RARB: variants seen among roughly 807,000 people sequenced by gnomAD.
RARB encodes the protein HBV-activated protein.
A neutral mutation model predicts 51.9 loss-of-function variants in RARB; 17 were observed. The ratio of observed to expected loss-of-function variants is 0.33; its 90% CI spans 0.22 to 0.49. The LOEUF (loss-of-function observed/expected upper bound fraction) is 0.49, where lower values mean the gene tolerates loss of function less well. Among genes scored for constraint, RARB ranks in the 20% least tolerant of loss-of-function variants. The pLI is 0.99. For synonymous variants in RARB, 215 were observed against 195.4 expected, an observed-to-expected ratio of 1.10 and a Z score of -0.84; for missense variants, 369 against 550.8, an observed-to-expected ratio of 0.67 and a Z score of 3.30.
At chr3:24,855,553 G>A (rs1190286506) in intron 1 of RARB, among the ~76,000 whole-genome samples, 2 of 151,946 alleles carry the variant, frequency 1.3e-5, no homozygotes, top group African/African-American at 2.4e-5. Flanking sequence ...CATGATCAAA[G>A]GATAAACTTT....
chr3:25,223,594 T>C (rs1420102467), intron 5 of RARB, among the ~76,000 whole-genome samples: 4 of 152,224 alleles, frequency 2.6e-5, no homozygotes, highest in African/African-American at 4.8e-5. Context: ...TACCTGCACT[T>C]ACTAGGTGCT....
At chr3:25,232,775 A>G (rs978108259) in intron 5 of RARB, among the ~76,000 whole-genome samples, 7 of 152,042 alleles carry the variant, frequency 4.6e-5, no homozygotes, top group South Asian at 2.1e-4. Flanking sequence ...TATCTATACA[A>G]TCATTCTGTT....
chr3:25,545,628 G>A (rs866505809), intron 3 of RARB, among the ~76,000 whole-genome samples: 1 of 152,104 alleles, frequency 6.6e-6, no homozygotes, highest in Admixed American at 6.5e-5. Context: ...GGCTGTAAAG[G>A]TCAGACAGAA....
At chr3:24,885,397 T>C (rs926663539) in intron 2 of RARB, among the ~76,000 whole-genome samples, 9 of 152,186 alleles carry the variant, frequency 5.9e-5, no homozygotes, top group South Asian at 2.1e-4. Flanking sequence ...AGCATCAGAA[T>C]TATGATTGAA....
intron 1 of RARB, among the ~76,000 whole-genome samples, chr3:25,442,163 T>A (rs1240771584): frequency 1.3e-5 from 2 of 151,550 alleles, no homozygotes; most frequent in African/African-American, 4.9e-5. Flanking sequence ...TGAGACGGAG[T>A]CTCACTCTGT....
intron 3 of RARB, among the ~76,000 whole-genome samples, chr3:25,116,056 T>G (rs1699682367): frequency 6.6e-6 from 1 of 152,200 alleles, no homozygotes; most frequent in African/African-American, 2.4e-5. Flanking sequence ...TTCAGAACAT[T>G]CAAGTGTTTG....
chr3:24,972,503 C>A (rs966739967), intron 2 of RARB, among the ~76,000 whole-genome samples: 2 of 151,720 alleles, frequency 1.3e-5, no homozygotes, highest in Non-Finnish European at 2.9e-5. Flanking sequence ...TGGATGTATA[C>A]CATCAGTGGA....
intron 2 of RARB, among the ~76,000 whole-genome samples, chr3:25,476,903 G>C (rs775711917): frequency 6.6e-6 from 1 of 152,210 alleles, no homozygotes; most frequent in Non-Finnish European, 1.5e-5. Flanking sequence ...TATGAGAATA[G>C]GAACTTTGTA....
intron 2 of RARB, among the ~76,000 whole-genome samples, chr3:24,995,778 T>C (rs1697008311): frequency 6.6e-6 from 1 of 152,150 alleles, no homozygotes; most frequent in African/African-American, 2.4e-5. Context: ...GACTTGTGTA[T>C]GTTGAACCAT....
intron 5 of RARB, among the ~76,000 whole-genome samples, chr3:25,256,365 A>C (rs1470955976): frequency 1.3e-5 from 2 of 152,146 alleles, no homozygotes; most frequent in African/African-American, 4.8e-5. Context: ...TTGCTCCCTC[A>C]ATCTAGAAAA....
At chr3:25,318,968 G>T (rs1272505649) in intron 5 of RARB, among the ~76,000 whole-genome samples, 1 of 152,090 alleles carries the variant, frequency 6.6e-6, no homozygotes, top group Admixed American at 6.5e-5. Context: ...CTTTCCCCGG[G>T]ACTCCATGTT....
chr3:24,912,997 T>TTTTTTG (rs869280546), intron 2 of RARB, among the ~76,000 whole-genome samples: 1 of 134,640 alleles, frequency 7.4e-6, no homozygotes, highest in Non-Finnish European at 1.6e-5. Flanking sequence ...TTTTTTTTTT[T>TTTTTTG]GGAGACAGAG....
intron 2 of RARB, among the ~76,000 whole-genome samples, chr3:25,500,454 GTTTTTTTTTTTTTTTTT>G (rs753321842): frequency 1.5e-5 from 1 of 66,144 alleles, no homozygotes; most frequent in African/African-American, 5.7e-5. Flanking sequence ...TTCTTTTCTT[GTTTTTTTTTTTTTTTTT>G]TTTTTTTTTT....
chr3:25,104,385 G>A (rs930843340), intron 3 of RARB, among the ~76,000 whole-genome samples: 1 of 152,158 alleles, frequency 6.6e-6, no homozygotes, highest in African/African-American at 2.4e-5. Context: ...CACTTTGGAA[G>A]GCCGGGGATG....
At chr3:24,954,092 T>C (rs1695957016) in intron 2 of RARB, among the ~76,000 whole-genome samples, 1 of 152,210 alleles carries the variant, frequency 6.6e-6, no homozygotes, top group Non-Finnish European at 1.5e-5. Context: ...GTGTCTGACT[T>C]TCCTGCCTCA....
intron 2 of RARB, among the ~76,000 whole-genome samples, chr3:24,859,852 G>A (rs1345456529): frequency 1.3e-5 from 2 of 152,170 alleles, no homozygotes; most frequent in Admixed American, 6.5e-5. Context: ...AGTATGGTAT[G>A]TTCCAATAAA....
At chr3:25,397,367 G>C (rs553240349) in intron 5 of RARB, among the ~76,000 whole-genome samples, 98 of 152,222 alleles carry the variant, frequency 6.4e-4, no homozygotes, top group Non-Finnish European at 1.2e-3. Flanking sequence ...ATCACACTTT[G>C]GGCACTCAGA....
chr3:24,894,173 A>G (rs2885802), intron 2 of RARB, among the ~76,000 whole-genome samples: 1 of 152,078 alleles, frequency 6.6e-6, no homozygotes, highest in African/African-American at 2.4e-5. Flanking sequence ...ACCTGGGTAT[A>G]TTGCATGATG....
chr3:25,332,168 C>G (rs963774658), intron 5 of RARB, among the ~76,000 whole-genome samples: 28 of 152,180 alleles, frequency 1.8e-4, no homozygotes, highest in Non-Finnish European at 3.4e-4. Flanking sequence ...CTCCCTAACT[C>G]ATTTTATGAG....
Sources: gnomAD v4.1 joint callset for allele counts (sites outside exome capture counted in the v4.1 genomes callset) on GRCh38, gnomAD v4.1.1 for gene constraint, MANE v1.5 for transcripts, NCBI Gene and HGNC (gene_info 2026-07-23, HGNC 2026-07-21) for gene names.